The following ALG8 variants were observed in gnomAD, a reference collection of about 807,000 sequenced individuals.
ALG8 encodes the protein dolichyl pyrophosphate Glc1Man9GlcNAc2 alpha-1,3-glucosyltransferase.
A neutral mutation model predicts 70.2 loss-of-function variants in ALG8; 48 were observed. That is an observed-to-expected ratio of 0.68 (90% confidence interval 0.54 to 0.87). The LOEUF (loss-of-function observed/expected upper bound fraction) is 0.87. Ranked by LOEUF, ALG8 falls within the 40% of genes least tolerant of loss-of-function variation. The pLI, the probability that ALG8 is intolerant of heterozygous loss-of-function variation, is 0.00. For missense variants in ALG8, 572 were observed against 608.7 expected (o/e 0.94, Z 0.64); for synonymous variants, 234 against 229.0 (o/e 1.02, Z -0.20).
chr11:78,113,991 T>A lies in ALG8; in HGVS notation c.674-2A>T. 1.9e-6 allele frequency: 3 copies of A among 1,596,064 alleles called. No homozygotes were observed. Among genetic ancestry groups the A allele is most frequent in the Non-Finnish European group, 2.6e-6 (3 of 1,170,246 alleles). The stretch of plus-strand genomic sequence containing the variant: ...AACTCTTCCATCGAATAGACCCATC[T>A]ACAGAAAAGGAACATTATCAGTAAC... On this transcript the variant is annotated splice_acceptor_variant, in intron 6 of 12. Transcript: ENST00000299626. LOFTEE classifies it high-confidence loss of function.
At position 78,113,962 on chromosome 11, in the gene ALG8, C is replaced by G. The variant is rs141280441; in HGVS notation, c.701G>C (p.Ser234Thr). The G allele has an allele frequency of 2.1e-5, 34 of 1,604,678 alleles. 1 individual carries two copies. Among genetic ancestry groups the G allele is most frequent in the Non-Finnish European group, 2.2e-5 (26 of 1,175,986 alleles). ...TCCCAGGGAAATAACACGAACAAAG[C>G]TGAAACTCTTCCATCGAATAGACCC... ...PDGSIRWKSF[S>T]FVRVISLGLV... The change falls in exon 7 of 13, where the codon AGC (serine) becomes ACC (threonine). Residue 234 changes from serine (S) to threonine (T), a missense_variant. Physicochemically the swap from Ser to Thr is moderately conservative, Grantham distance 58. Transcript: ENST00000299626.
chr11:78,109,287 C>G (rs1490366323), intron 9 of ALG8, among the ~76,000 whole-genome samples, 155 bp downstream of exon 9: 2 of 152,172 alleles, frequency 1.3e-5, no homozygotes, highest in Non-Finnish European at 2.9e-5. Flanking sequence ...CAAAGTTACT[C>G]TAAGAATTGC....
intron 5 of ALG8, chr11:78,114,604 G>T (rs1358073660): frequency 1.6e-6 from 1 of 612,424 alleles, no homozygotes; most frequent in Non-Finnish European, 2.9e-6. Flanking sequence ...GGATATATAG[G>T]AACTCTCTGT....
rs1427884422 is a variant in ALG8, at chr11:78,121,302, T to TTC, written c.369-130_369-129dup. The TTC allele has an allele frequency of 1.6e-5, 12 of 740,718 alleles. No individual in the cohort carries two copies. In the East Asian group the frequency reaches 2.9e-4, roughly 18 times the overall value. The allele number at this position is 740,718 out of a possible 1,614,324, so 45.9% of individuals were successfully genotyped here. A position where few individuals can be genotyped will look rare whatever the true frequency, so the allele number is the denominator to read the frequency against. ...ACATGCCATTCTTTTTTTTTTTTTT[T>TTC]TCCAATTTTTCTTTTTCTTTTTTTA... On this transcript the variant is annotated intron_variant, in intron 3 of 12. Transcript: ENST00000299626.
intron 1 of ALG8, chr11:78,139,130 A>C: frequency 2.7e-6 from 1 of 370,894 alleles, no homozygotes; most frequent in Non-Finnish European, 5.1e-6. Flanking sequence ...AGGACCAGCA[A>C]TGTCTTGCTC....
chr11:78,124,123 A>G lies in ALG8; in HGVS notation c.266T>C (p.Met89Thr). Reference sequence around the variant, plus strand: ...GTAATTCAAATTATGGACATTCAGCATTTCTTGATCAAAATATTTGGCAAC... The same window carrying G: ...GTAATTCAAATTATGGACATTCAGCGTTTCTTGATCAAAATATTTGGCAAC... ...SHVAKYFDQE[M>T]LNVHNLNYSS... Residue 89 changes from methionine to threonine, a missense_variant, in exon 3 of 13, where the codon ATG (methionine) becomes ACG (threonine). Coordinates refer to ENST00000299626, the MANE Select transcript of ALG8 (RefSeq NM_024079.5). 1 of 1,614,172 alleles carries G rather than the reference A, an allele frequency of 6.2e-7. No individual in the cohort carries two copies. Among genetic ancestry groups the G allele is most frequent in the African/African-American group, 1.3e-5 (1 of 75,056 alleles).
chr11:78,133,857 C>T lies in ALG8; in HGVS notation c.95+5637G>A, dbSNP rs571166458. The stretch of plus-strand genomic sequence containing the variant: ...GTGAGCTTGCAGTGAGCCGAGATAG[C>T]GCCACTGCCCTCCAGCCTGGGCGAC... On this transcript the variant is annotated intron_variant, in intron 1 of 12. Coordinates refer to ENST00000299626, the MANE Select transcript of ALG8 (RefSeq NM_024079.5). Among the ~76,000 whole-genome samples the T allele has an allele frequency of 5.9e-4, 89 of 151,362 alleles. 1 individual carries two copies. Among genetic ancestry groups the T allele is most frequent in the African/African-American group, 2.1e-3 (85 of 41,170 alleles).
At chr11:78,124,317 A>G (rs1860967614) in intron 2 of ALG8, 103 bp from the exon 3 acceptor site, 1 of 1,236,398 alleles carries the variant, frequency 8.1e-7, no homozygotes, top group African/African-American at 1.5e-5. Flanking sequence ...AAACAGCACA[A>G]TAAGGCTGGG....
chr11:78,113,800 A>G (rs1165235246), intron 7 of ALG8, 86 bp downstream of exon 7: 19 of 1,120,918 alleles, frequency 1.7e-5, no homozygotes, highest in Middle Eastern at 4.2e-4. Context: ...GCTTTTACTT[A>G]TTTTACATAT....
intron 1 of ALG8, among the ~76,000 whole-genome samples, chr11:78,128,513 G>A (rs1004050114): frequency 1.3e-5 from 2 of 151,870 alleles, no homozygotes; most frequent in Non-Finnish European, 2.9e-5. Context: ...CCTAGGTTCA[G>A]TTCTTGGTCC....
At chr11:78,107,140 T>C (rs1179578021) in intron 9 of ALG8, among the ~76,000 whole-genome samples, 194 bp from the exon 10 acceptor site, 3 of 150,594 alleles carry the variant, frequency 2.0e-5, no homozygotes, top group South Asian at 2.1e-4. Flanking sequence ...TCAGAAAAAA[T>C]TGGCATTTGA....
chr11:78,114,906 G>A (rs1459618472), intron 5 of ALG8: 1 of 208,696 alleles, frequency 4.8e-6, no homozygotes. Context: ...AGCCCAGGAG[G>A]TGGAGGCTGC....
Position 78,112,718 on chromosome 11 carries a change from C to A in ALG8, c.830G>T (p.Cys277Phe). The change falls in exon 8 of 13, where the codon TGT (cysteine) becomes TTT (phenylalanine). Residue 277 changes from cysteine (C) to phenylalanine (F), a missense_variant. By Grantham distance (205) the Cys-to-Phe change is radical. Coordinates refer to ENST00000299626, the MANE Select transcript of ALG8 (RefSeq NM_024079.5). ...GAAGTTTGGAGCCCAATATGCATGA[C>A]AGAGGCCCCTCTTGAAAGGAAAGAG... ...SRLFPFKRGL[C>F]HAYWAPNFWA... 1 of 1,614,084 alleles carries A rather than the reference C, an allele frequency of 6.2e-7. No homozygotes were observed. Among genetic ancestry groups the A allele is most frequent in the Non-Finnish European group, 8.5e-7 (1 of 1,179,966 alleles).
At position 78,139,594 on chromosome 11, in the gene ALG8, C is replaced by T; in HGVS notation, c.-6G>A. 1 of 1,552,888 alleles carries T rather than the reference C, an allele frequency of 6.4e-7. No individual in the cohort carries two copies. The highest frequency in any genetic ancestry group is 1.2e-5 in the South Asian group (1 of 84,136). ...GCAATTGTGAGCGCCGCCATTGCTG[C>T]GGCACCGCACGCTTCCCACCAACTT... On this transcript the variant is annotated 5_prime_UTR_variant, in exon 1 of 13. Transcript: ENST00000299626.
At chr11:78,139,167 C>T (rs1184377373) in intron 1 of ALG8, 1 of 398,730 alleles carries the variant, frequency 2.5e-6, no homozygotes, top group Non-Finnish European at 4.7e-6. Flanking sequence ...GGAGTTAGAA[C>T]GGTACCTGGC....
chr11:78,121,083 C>T lies in ALG8; in HGVS notation c.460G>A (p.Gly154Arg), dbSNP rs201359142. Residue 154 changes from glycine to arginine, a missense_variant, in exon 4 of 13, where the codon GGG (glycine) becomes AGG (arginine). Gly to Arg is a moderately radical substitution (Grantham distance 125). Coordinates refer to ENST00000299626, the MANE Select transcript of ALG8 (RefSeq NM_024079.5). ...ILSVLLLWNF[G>R]LLIVDHIHFQ... ...AGGATACGGTCCACAATTAATAACCCGAAGTTCCACAGAAGTAATACCGAC... is the reference window on the plus strand; with the variant it reads ...AGGATACGGTCCACAATTAATAACCTGAAGTTCCACAGAAGTAATACCGAC... 1.3e-5 allele frequency: 21 copies of T among 1,613,480 alleles called. No individual in the cohort carries two copies. The highest frequency in any genetic ancestry group is 2.7e-5 in the African/African-American group (2 of 74,886).
chr11:78,122,205 G>A (rs900984935), intron 3 of ALG8, among the ~76,000 whole-genome samples: 4 of 152,118 alleles, frequency 2.6e-5, no homozygotes, highest in African/African-American at 9.7e-5. Flanking sequence ...GACTAGCAAA[G>A]GTATCCTCCT....
intron 2 of ALG8, among the ~76,000 whole-genome samples, chr11:78,125,597 C>T (rs1861031150): frequency 1.4e-5 from 2 of 143,508 alleles, no homozygotes; most frequent in African/African-American, 2.7e-5. Flanking sequence ...GAAACCCTGT[C>T]TCTACTAAAA....
intron 1 of ALG8, chr11:78,135,422 A>C (rs1276874214): frequency 6.6e-6 from 1 of 152,032 alleles, no homozygotes; most frequent in Non-Finnish European, 1.5e-5. Context: ...GCATGAAAAC[A>C]ACATTAAGGT....
Sources: allele counts gnomAD v4.1 joint callset (sites outside exome capture counted in the v4.1 genomes callset), GRCh38; gene constraint gnomAD v4.1.1; transcripts MANE v1.5; gene names NCBI Gene and HGNC (gene_info 2026-07-23, HGNC 2026-07-21).